TACR3: variants seen among roughly 807,000 people sequenced by gnomAD.
TACR3 encodes neuromedin-K receptor.
A neutral mutation model predicts 35.0 loss-of-function variants in TACR3; 34 were observed. The observed-to-expected ratio is 0.97, with a 90% CI of 0.74 to 1.30. The LOEUF (loss-of-function observed/expected upper bound fraction) is 1.30, where lower values mean the gene tolerates loss of function less well. Ranked by LOEUF, TACR3 falls within the 50% of genes most tolerant of loss-of-function variation. The probability of loss-of-function intolerance (pLI) is 0.00; values close to 1 mark genes in which losing one functional copy is unlikely to be tolerated. For synonymous variants in TACR3, 233 were observed against 221.1 expected, an observed-to-expected ratio of 1.05 and a Z score of -0.48; for missense variants, 558 against 591.7, an observed-to-expected ratio of 0.94 and a Z score of 0.59.
intron 1 of TACR3, among the ~76,000 whole-genome samples, chr4:103,707,062 C>A (rs1722810974): frequency 6.6e-6 from 1 of 152,170 alleles, no homozygotes; most frequent in African/African-American, 2.4e-5. Context: ...ACTCTGGTAC[C>A]ATGGCTTTGG....
intron 3 of TACR3, among the ~76,000 whole-genome samples, chr4:103,629,382 T>TG (rs1437674628): frequency 2.0e-5 from 3 of 152,138 alleles, no homozygotes; most frequent in African/African-American, 7.2e-5. Flanking sequence ...ATTGTATATC[T>TG]AGAAAACCCC....
At chr4:103,716,624 A>G (rs1005294865) in intron 1 of TACR3, among the ~76,000 whole-genome samples, 2 of 152,220 alleles carry the variant, frequency 1.3e-5, no homozygotes, top group Admixed American at 6.5e-5. Context: ...AATATCTGTC[A>G]TTTCTCAGAG....
At chr4:103,658,454 T>G (rs1303784852) in intron 1 of TACR3, 51 bp from the exon 2 acceptor site, 1 of 1,557,470 alleles carries the variant, frequency 6.4e-7, no homozygotes, top group East Asian at 2.3e-5. Context: ...ATAACAGAGT[T>G]TGAAATGGAG....
intron 3 of TACR3, among the ~76,000 whole-genome samples, chr4:103,627,496 C>A (rs1322164779): frequency 6.6e-6 from 1 of 151,738 alleles, no homozygotes; most frequent in Non-Finnish European, 1.5e-5. Flanking sequence ...GGCACTCCAG[C>A]CTGGGCGATA....
intron 3 of TACR3, among the ~76,000 whole-genome samples, chr4:103,649,966 T>C (rs906411624): frequency 4.6e-5 from 7 of 152,060 alleles, no homozygotes; most frequent in African/African-American, 1.7e-4. Flanking sequence ...TCTACGCCCA[T>C]TTGGACCCAT....
intron 3 of TACR3, among the ~76,000 whole-genome samples, chr4:103,631,676 A>T (rs1469459469): frequency 1.3e-5 from 2 of 152,162 alleles, no homozygotes; most frequent in African/African-American, 4.8e-5. Context: ...AAAGTCCACA[A>T]TTGGCTCTCC....
intron 3 of TACR3, among the ~76,000 whole-genome samples, chr4:103,627,818 C>T (rs1026689470): frequency 2.0e-5 from 3 of 152,166 alleles, no homozygotes; most frequent in Non-Finnish European, 2.9e-5. Context: ...CATAACTCTC[C>T]ACCCCCATAT....
chr4:103,653,567 C>T (rs566366627), intron 3 of TACR3, among the ~76,000 whole-genome samples: 2 of 152,014 alleles, frequency 1.3e-5, no homozygotes, highest in African/African-American at 2.4e-5. Context: ...TAAAGACTTA[C>T]ATGTTCGACT....
In TACR3 at chr4:103,719,778, A is replaced by G. The variant is rs3733632; in HGVS notation, c.-103T>C. On this transcript the variant is annotated 5_prime_UTR_variant, in exon 1 of 5. Coordinates refer to ENST00000304883, the MANE Select transcript of TACR3 (RefSeq NM_001059.3). Reference sequence around the variant, plus strand: ...TGCCTCCTGGTCACTTTGGTGCCGGAGTCTTCAGATAAGACTGGAAGCTGA... The same window carrying G: ...TGCCTCCTGGTCACTTTGGTGCCGGGGTCTTCAGATAAGACTGGAAGCTGA... The G allele has an allele frequency of 0.21, 301,321 of 1,453,798 alleles. 44,865 individuals carry two copies. The highest frequency in any genetic ancestry group is 0.74 in the African/African-American group (52,738 of 71,474). 90.1% of individuals were successfully genotyped at this position (1,453,798 alleles called of 1,614,324 possible).
intron 1 of TACR3, among the ~76,000 whole-genome samples, chr4:103,697,809 C>A (rs1196448906): frequency 6.6e-6 from 1 of 152,110 alleles, no homozygotes; most frequent in Non-Finnish European, 1.5e-5. Context: ...ACTTTTAATG[C>A]AAATATGTAT....
chr4:103,596,642 T>G (rs1477327527), intron 3 of TACR3, among the ~76,000 whole-genome samples: 1 of 152,092 alleles, frequency 6.6e-6, no homozygotes, highest in South Asian at 2.1e-4. Flanking sequence ...TTAGGGTACA[T>G]GTGCACAATG....
chr4:103,623,138 A>ATTAT (rs1724820505), intron 3 of TACR3, among the ~76,000 whole-genome samples: 1 of 152,128 alleles, frequency 6.6e-6, no homozygotes, highest in African/African-American at 2.4e-5. Context: ...TTTAAGATAC[A>ATTAT]TTATTTTAAA....
At chr4:103,694,513 C>G (rs1052728427) in intron 1 of TACR3, among the ~76,000 whole-genome samples, 3 of 152,102 alleles carry the variant, frequency 2.0e-5, no homozygotes, top group South Asian at 2.1e-4. Flanking sequence ...TTTTTAGCCC[C>G]TCTCCCCAAC....
chr4:103,643,391 T>G (rs1453543628), intron 3 of TACR3, among the ~76,000 whole-genome samples: 2 of 150,556 alleles, frequency 1.3e-5, no homozygotes, highest in East Asian at 3.9e-4. Context: ...GGGGGGAGAT[T>G]GCCAGTCTGG....
At chr4:103,624,576 CA>C (rs1724849952) in intron 3 of TACR3, 1 of 151,998 alleles carries the variant, frequency 6.6e-6, no homozygotes, top group African/African-American at 2.4e-5. Context: ...TTGGAATTTA[CA>C]ACTTAAGCAA....
intron 3 of TACR3, among the ~76,000 whole-genome samples, chr4:103,594,436 C>T (rs369157979): frequency 6.6e-6 from 1 of 152,092 alleles, no homozygotes; most frequent in South Asian, 2.1e-4. Context: ...CTCGGCCTCC[C>T]AAAATTCTGG....
chr4:103,611,918 T>A (rs563829136), intron 3 of TACR3, among the ~76,000 whole-genome samples: 1 of 152,268 alleles, frequency 6.6e-6, no homozygotes, highest in South Asian at 2.1e-4. Flanking sequence ...AAATAAGTCT[T>A]ATATCTTTTA....
rs1307218272 is a variant in TACR3 at position 103,639,140 on chromosome 4, C to T, written c.888+17054G>A. On this transcript the variant is annotated intron_variant, in intron 3 of 4. Coordinates refer to ENST00000304883, the MANE Select transcript of TACR3 (RefSeq NM_001059.3). ...ATGCTGCTATAAAGACACATGCACA[C>T]GTATGTTTATTGCGGCACTATTCAC... Among the ~76,000 whole-genome samples the T allele has an allele frequency of 7.9e-5, 12 of 152,128 alleles. No individual in the cohort carries two copies. The South Asian group carries it at 8.3e-4, about 10-fold the overall frequency.
intron 1 of TACR3, among the ~76,000 whole-genome samples, chr4:103,673,253 G>C (rs575970449): frequency 6.6e-6 from 1 of 152,158 alleles, no homozygotes; most frequent in Non-Finnish European, 1.5e-5. Context: ...GCTGTTTGGT[G>C]CAAGAGGCCT....
Sources: gnomAD v4.1 joint callset for allele counts (sites outside exome capture counted in the v4.1 genomes callset) on GRCh38, gnomAD v4.1.1 for gene constraint, MANE v1.5 for transcripts, NCBI Gene and HGNC (gene_info 2026-07-23, HGNC 2026-07-21) for gene names.